The following FBXL20 variants were observed in gnomAD, a reference collection of about 807,000 sequenced individuals.
The protein encoded by FBXL20 is F-box and leucine rich repeat protein 20.
A neutral mutation model predicts 64.0 loss-of-function variants in FBXL20; 11 were observed. That is an observed-to-expected ratio of 0.17 (90% CI 0.11 to 0.28). The LOEUF (loss-of-function observed/expected upper bound fraction) is 0.28, where lower values mean the gene tolerates loss of function less well. FBXL20 is among the 10% of genes least tolerant of loss of function. FBXL20 has a pLI of 1.00. For missense variants in FBXL20, 303 were observed against 526.2 expected (o/e 0.58, Z 4.15); for synonymous variants, 184 against 189.0 (o/e 0.97, Z 0.22).
chr17:39,322,808 A>T (rs1278129156), intron 2 of FBXL20, among the ~76,000 whole-genome samples: 2 of 151,930 alleles, frequency 1.3e-5, no homozygotes, highest in African/African-American at 2.4e-5. Context: ...TATTTATTTT[A>T]TTTTTTTATT....
At chr17:39,339,344 TG>T (rs1473417127) in intron 2 of FBXL20, among the ~76,000 whole-genome samples, 1 of 152,062 alleles carries the variant, frequency 6.6e-6, no homozygotes, top group Non-Finnish European at 1.5e-5. Flanking sequence ...GGCATGTACC[TG>T]AGTCCCAGCT....
At chr17:39,354,538 G>A (rs1018214752) in intron 1 of FBXL20, among the ~76,000 whole-genome samples, 3 of 152,100 alleles carry the variant, frequency 2.0e-5, no homozygotes, top group African/African-American at 7.2e-5. Context: ...TGTCTGTTTT[G>A]TCACCACAGT....
Position 39,333,713 on chromosome 17 carries a change from C to T in FBXL20, c.104+9467G>A, listed in dbSNP as rs568460625. On this transcript the variant is annotated intron_variant, in intron 2 of 14. Transcript: ENST00000264658. Reference sequence around the variant, plus strand: ...CTAGGAAGTGAGGAGCGTCTCTGCCCGGCCGCCCATCATCTGGGATGTGGG... The same window carrying T: ...CTAGGAAGTGAGGAGCGTCTCTGCCTGGCCGCCCATCATCTGGGATGTGGG... 1.0e-3 allele frequency among the ~76,000 whole-genome samples: 153 copies of T among 152,022 alleles called. 1 individual carries two copies. Among genetic ancestry groups the T allele is most frequent in the African/African-American group, 3.5e-3 (144 of 41,486 alleles).
intron 1 of FBXL20, among the ~76,000 whole-genome samples, chr17:39,352,422 A>C (rs1468647147): frequency 6.6e-6 from 1 of 152,010 alleles, no homozygotes; most frequent in African/African-American, 2.4e-5. Flanking sequence ...GTGGCTCACA[A>C]CTGTAATCCC....
chr17:39,346,960 G>C (rs186974439), intron 1 of FBXL20, among the ~76,000 whole-genome samples: 1 of 151,360 alleles, frequency 6.6e-6, no homozygotes, highest in Admixed American at 6.6e-5. Flanking sequence ...TTCTGTCCTT[G>C]CAAGTTTGCT....
intron 12 of FBXL20, among the ~76,000 whole-genome samples, chr17:39,266,217 TTTG>T (rs1471864430): frequency 2.0e-5 from 3 of 149,086 alleles, no homozygotes; most frequent in Admixed American, 6.6e-5. Context: ...TACAGGCTAG[TTTG>T]TTGTTTTTTT....
intron 1 of FBXL20, among the ~76,000 whole-genome samples, chr17:39,362,031 T>A (rs1397441594): frequency 6.7e-6 from 1 of 150,030 alleles, no homozygotes; most frequent in African/African-American, 2.5e-5. Flanking sequence ...CTGATACCTG[T>A]AATCCCAGCA....
At chr17:39,344,405 T>G (rs2047612653) in intron 1 of FBXL20, among the ~76,000 whole-genome samples, 1 of 152,112 alleles carries the variant, frequency 6.6e-6, no homozygotes, top group Non-Finnish European at 1.5e-5. Context: ...GAGTGACTAT[T>G]TTAATATGCC....
rs182889876 is a variant in FBXL20, at chr17:39,279,088, G to A, written c.696+2301C>T. On this transcript the variant is annotated intron_variant, in intron 9 of 14. Transcript: ENST00000264658. Reference sequence around the variant, plus strand: ...GAACCTGGGAGATGGAGGTTGCAGAGAGCCGAGATCGCACCACTGCACTCC... The same window carrying A: ...GAACCTGGGAGATGGAGGTTGCAGAAAGCCGAGATCGCACCACTGCACTCC... Among the ~76,000 whole-genome samples the A allele has an allele frequency of 2.8e-3, 422 of 152,060 alleles. 3 individuals are homozygous for A. Among genetic ancestry groups the A allele is most frequent in the Admixed American group, 5.7e-3 (87 of 15,286 alleles).
Position 39,275,082 on chromosome 17 carries a change from G to T in FBXL20, c.715C>A (p.Leu239Ile). The part of the protein sequence containing the change: ...QTCLQITDEG[L>I]ITICRGCHKL... ...TGGCACCCTCTGCATATAGTAATGA[G>T]ACCTTCATCTGTGATTTGCTAAAAA... Residue 239 changes from leucine to isoleucine, a missense_variant, in exon 10 of 15, where the codon CTC becomes ATC. Around this residue, in one of 3 missense-constraint regions of FBXL20, gnomAD observed 246 missense variants for 422.6 expected, o/e 0.58. Transcript: ENST00000264658. 6.2e-7 allele frequency: 1 copy of T among 1,609,208 alleles called. No homozygotes were observed. The highest frequency in any genetic ancestry group is 8.5e-7 in the Non-Finnish European group (1 of 1,178,652).
chr17:39,372,866 C>T (rs2047931982), intron 1 of FBXL20, among the ~76,000 whole-genome samples: 1 of 151,984 alleles, frequency 6.6e-6, no homozygotes, highest in Admixed American at 6.6e-5. Flanking sequence ...CTCAGGTGAT[C>T]CACCCGCCTC....
At chr17:39,320,801 G>A (rs920737983) in intron 2 of FBXL20, among the ~76,000 whole-genome samples, 2 of 151,900 alleles carry the variant, frequency 1.3e-5, no homozygotes, top group Admixed American at 1.3e-4. Flanking sequence ...CACCACGTTG[G>A]CCAGGCTGGT....
rs1234770475 is a variant in FBXL20, at chr17:39,392,993, C to CA, written c.42+8367dup. Among the ~76,000 whole-genome samples, 1,185 of 123,238 alleles carry CA rather than the reference C, an allele frequency of 9.6e-3. 23 individuals are homozygous for CA. Among genetic ancestry groups the CA allele is most frequent in the African/African-American group, 0.033 (1,084 of 32,888 alleles). 80.8% of individuals were successfully genotyped at this position (123,238 alleles called of 152,430 possible). A position where few individuals can be genotyped will look rare whatever the true frequency, so the allele number is the denominator to read the frequency against. On this transcript the variant is annotated intron_variant, in intron 1 of 14. Transcript: ENST00000264658. The stretch of plus-strand genomic sequence containing the variant: ...GGACAACAAGAGTGAAACTCCATCT[C>CA]AAAAAAAAAAAATAGGCCGGCACGG...
intron 2 of FBXL20, among the ~76,000 whole-genome samples, chr17:39,328,321 G>A (rs1411256603): frequency 2.7e-5 from 4 of 146,412 alleles, no homozygotes; most frequent in Admixed American, 2.7e-4. Flanking sequence ...AAAAATACAA[G>A]GGCTCCTTGG....
At chr17:39,312,724 C>A (rs1027373153) in intron 2 of FBXL20, among the ~76,000 whole-genome samples, 3 of 143,292 alleles carry the variant, frequency 2.1e-5, no homozygotes, top group Admixed American at 7.2e-5. Context: ...CAGGCACCTG[C>A]CACCACGCCT....
intron 1 of FBXL20, among the ~76,000 whole-genome samples, chr17:39,386,675 A>C (rs1276743254): frequency 1.3e-5 from 2 of 152,112 alleles, no homozygotes; most frequent in African/African-American, 4.8e-5. Context: ...TCTTATTTCC[A>C]TTTTTAAAGA....
At chr17:39,284,607 C>T (rs1054451626) in intron 7 of FBXL20, among the ~76,000 whole-genome samples, 1 of 152,054 alleles carries the variant, frequency 6.6e-6, no homozygotes, top group Non-Finnish European at 1.5e-5. Flanking sequence ...TGGTCTAGAA[C>T]TCCTGAGCTC....
intron 1 of FBXL20, among the ~76,000 whole-genome samples, chr17:39,385,733 T>G (rs1221393079): frequency 1.3e-5 from 2 of 152,084 alleles, no homozygotes; most frequent in Admixed American, 1.3e-4. Flanking sequence ...TAGTTCTCCA[T>G]TAAATTTTGA....
chr17:39,385,281 C>A (rs926130554), intron 1 of FBXL20, among the ~76,000 whole-genome samples: 2 of 152,032 alleles, frequency 1.3e-5, no homozygotes, highest in African/African-American at 4.8e-5. Context: ...GGTGCCACTG[C>A]ACTCCAGACT....
Sources: gnomAD v4.1 joint callset for allele counts (sites outside exome capture counted in the v4.1 genomes callset) on GRCh38, gnomAD v4.1.1 for gene constraint, gnomAD v4.1.1 regional missense constraint, MANE v1.5 for transcripts, NCBI Gene and HGNC (gene_info 2026-07-23, HGNC 2026-07-21) for gene names.